FOXN3: variants seen among roughly 807,000 people sequenced by gnomAD.
FOXN3 encodes forkhead box N3.
In FOXN3, 7 loss-of-function variants were observed where a neutral mutation model predicts 38.4. The ratio of observed to expected loss-of-function variants is 0.18; its 90% CI spans 0.10 to 0.34. The LOEUF is 0.34. Ranked by LOEUF, FOXN3 falls within the 10% of genes least tolerant of loss-of-function variation. The pLI, the probability that FOXN3 is intolerant of heterozygous loss-of-function variation, is 1.00. For synonymous variants in FOXN3, 230 were observed against 242.2 expected (o/e 0.95, Z 0.47); for missense variants, 456 against 613.4 (o/e 0.74, Z 2.71).
At chr14:89,367,831 C>A (rs1262047624) in intron 2 of FOXN3, among the ~76,000 whole-genome samples, 1 of 63,712 alleles carries the variant, frequency 1.6e-5, no homozygotes, top group Non-Finnish European at 3.3e-5. Context: ...AAGCCGGCCT[C>A]CTGCCCCAGA....
At chr14:89,193,180 T>G (rs1360710543) in intron 4 of FOXN3, among the ~76,000 whole-genome samples, 1 of 151,846 alleles carries the variant, frequency 6.6e-6, no homozygotes, top group Non-Finnish European at 1.5e-5. Flanking sequence ...ACATGGTCCC[T>G]GCCTCCGCAG....
intron 4 of FOXN3, among the ~76,000 whole-genome samples, chr14:89,262,713 G>A (rs960572335): frequency 5.3e-5 from 8 of 151,776 alleles, no homozygotes; most frequent in Non-Finnish European, 7.4e-5. Context: ...AATCTATGTC[G>A]GAGTATTAAT....
At chr14:89,593,466 C>T (rs1281019772) in intron 1 of FOXN3, among the ~76,000 whole-genome samples, 3 of 152,012 alleles carry the variant, frequency 2.0e-5, no homozygotes, top group Non-Finnish European at 2.9e-5. Context: ...GGCAAAACCC[C>T]GTCTCTACTA....
chr14:89,175,205 G>A (rs943614879), intron 5 of FOXN3, among the ~76,000 whole-genome samples: 36 of 152,330 alleles, frequency 2.4e-4, no homozygotes, highest in African/African-American at 8.7e-4. Context: ...TGTTCCATGG[G>A]AAGTGCAGTT....
intron 4 of FOXN3, among the ~76,000 whole-genome samples, chr14:89,219,925 A>G (rs1391605889): frequency 6.6e-6 from 1 of 152,194 alleles, no homozygotes. Flanking sequence ...TTAGGAGAGA[A>G]GTCTCAGGCA....
At chr14:89,514,595 G>A (rs947527232) in intron 1 of FOXN3, among the ~76,000 whole-genome samples, 3 of 152,218 alleles carry the variant, frequency 2.0e-5, no homozygotes, top group Admixed American at 6.5e-5. Context: ...AGTTGGTCAA[G>A]GTCATGCACA....
chr14:89,584,470 CTG>C (rs1668460540), intron 1 of FOXN3, among the ~76,000 whole-genome samples: 1 of 152,180 alleles, frequency 6.6e-6, no homozygotes, highest in African/African-American at 2.4e-5. Context: ...CGTACAATGA[CTG>C]TGGTTACCCA....
At chr14:89,397,441 TAAAAA>T (rs35139656) in intron 2 of FOXN3, among the ~76,000 whole-genome samples, 1 of 120,660 alleles carries the variant, frequency 8.3e-6, no homozygotes, top group South Asian at 2.6e-4. Context: ...AAATAAAAGT[TAAAAA>T]AAAAAAAAAA....
intron 1 of FOXN3, among the ~76,000 whole-genome samples, chr14:89,449,044 T>C (rs1026209569): frequency 1.3e-5 from 2 of 152,236 alleles, no homozygotes; most frequent in Non-Finnish European, 2.9e-5. Flanking sequence ...TTTCTCCATC[T>C]TCAAAGTGGG....
At chr14:89,359,224 A>G (rs1207787432) in intron 2 of FOXN3, among the ~76,000 whole-genome samples, 1 of 151,898 alleles carries the variant, frequency 6.6e-6, no homozygotes, top group Non-Finnish European at 1.5e-5. Context: ...TGAACCCAGG[A>G]GGTGGAGGTT....
At chr14:89,430,637 T>A (rs1892134856) in intron 1 of FOXN3, among the ~76,000 whole-genome samples, 2 of 152,136 alleles carry the variant, frequency 1.3e-5, no homozygotes, top group Non-Finnish European at 2.9e-5. Flanking sequence ...TTTGAAGACA[T>A]CGCGAGAGTT....
chr14:89,172,080 A>T (rs1887404207), intron 5 of FOXN3, among the ~76,000 whole-genome samples: 1 of 152,236 alleles, frequency 6.6e-6, no homozygotes, highest in Non-Finnish European at 1.5e-5. Flanking sequence ...AAAATACATC[A>T]TATTAATTTG....
chr14:89,227,998 C>T (rs747978274), intron 4 of FOXN3, among the ~76,000 whole-genome samples: 1 of 152,202 alleles, frequency 6.6e-6, no homozygotes, highest in African/African-American at 2.4e-5. Flanking sequence ...CCTCAGCCCC[C>T]CAAAGTGCTA....
chr14:89,184,389 A>G (rs1887749404), intron 4 of FOXN3, among the ~76,000 whole-genome samples: 1 of 152,252 alleles, frequency 6.6e-6, no homozygotes, highest in African/African-American at 2.4e-5. Context: ...AAGGAAGAAA[A>G]GCACCCCTGG....
intron 2 of FOXN3, among the ~76,000 whole-genome samples, chr14:89,360,576 G>GAGAC (rs1162571500): frequency 3.4e-4 from 50 of 146,498 alleles, no homozygotes; most frequent in African/African-American, 1.2e-3. Flanking sequence ...GAGAGAGAGA[G>GAGAC]AGAAGAAGAA....
In FOXN3 at chr14:89,198,288, A is replaced by G. The variant is rs114340756; in HGVS notation, c.746-17482T>C. On this transcript the variant is annotated intron_variant, in intron 4 of 5. Coordinates refer to ENST00000557258, the MANE Select transcript of FOXN3 (RefSeq NM_005197.4). ...GACGTATTATAAGTAACCTAGAGATAATACAGAATACAGAGGAAGATGTGC... is the reference window on the plus strand; with the variant it reads ...GACGTATTATAAGTAACCTAGAGATGATACAGAATACAGAGGAAGATGTGC... Among the ~76,000 whole-genome samples, 1,101 of 152,314 alleles carry G rather than the reference A, an allele frequency of 7.2e-3. 15 individuals carry two copies. The highest frequency in any genetic ancestry group is 0.025 in the African/African-American group (1,058 of 41,562).
At chr14:89,297,559 C>CAAAAAAAAAAAAAA in intron 3 of FOXN3, among the ~76,000 whole-genome samples, 1 of 103,556 alleles carries the variant, frequency 9.7e-6, no homozygotes, top group Non-Finnish European at 2.0e-5. Context: ...GACTCCCTTT[C>CAAAAAAAAAAAAAA]AAAAAAAAAA....
chr14:89,254,808 A>G (rs1355060973), intron 4 of FOXN3, among the ~76,000 whole-genome samples: 1 of 151,980 alleles, frequency 6.6e-6, no homozygotes, highest in East Asian at 1.9e-4. Flanking sequence ...AGTCCTACTC[A>G]CCTTTTCAGA....
intron 1 of FOXN3, among the ~76,000 whole-genome samples, chr14:89,547,676 T>G (rs112649293): frequency 1.6e-3 from 250 of 152,302 alleles, no homozygotes; most frequent in African/African-American, 5.7e-3. Flanking sequence ...ATTTGTTACC[T>G]CCTAGTTTGC....
Sources: allele counts gnomAD v4.1 joint callset (sites outside exome capture counted in the v4.1 genomes callset), GRCh38; gene constraint gnomAD v4.1.1; transcripts MANE v1.5; gene names NCBI Gene and HGNC (gene_info 2026-07-23, HGNC 2026-07-21).